The following SYAP1 variants were observed in gnomAD, a reference collection of about 807,000 sequenced individuals.
The protein encoded by SYAP1 is synapse-associated protein 1.
SYAP1 carries 3 observed loss-of-function variants against 29.6 expected under a neutral mutation model. That is an observed-to-expected ratio of 0.10 (90% confidence interval 0.05 to 0.26). The LOEUF is 0.26. Among genes scored for constraint, SYAP1 ranks in the 10% least tolerant of loss-of-function variants. The probability of loss-of-function intolerance (pLI) is 1.00; values close to 1 mark genes in which losing one functional copy is unlikely to be tolerated. For missense variants in SYAP1, 217 were observed against 264.1 expected (o/e 0.82, Z 1.24); for synonymous variants, 102 against 102.7 (o/e 0.99, Z 0.04).
intron 3 of SYAP1, 79 bp downstream of exon 3, chrX:16,736,311 C>A: frequency 1.5e-6 from 1 of 649,537 alleles, no homozygotes. Flanking sequence ...CACTGAGGGT[C>A]TGAGAACACA....
In SYAP1 at chrX:16,750,491, G is replaced by C. The variant is rs1000324605; in HGVS notation, c.576-4454G>C. ...ACTTGTCTTATTCCCCCAGCACCCAGCATAGCGCCTGATGCACATGGCACC... is the reference window on the plus strand; with the variant it reads ...ACTTGTCTTATTCCCCCAGCACCCACCATAGCGCCTGATGCACATGGCACC... On this transcript the variant is annotated intron_variant, in intron 5 of 8. Transcript: ENST00000380155. Among the ~76,000 whole-genome samples the C allele has an allele frequency of 2.7e-5, 3 of 111,560 alleles. No individual in the cohort carries two copies. The Admixed American group carries it at 2.9e-4, about 11-fold the overall frequency.
At chrX:16,748,897 C>T (rs1926666658) in intron 5 of SYAP1, among the ~76,000 whole-genome samples, 1 of 109,270 alleles carries the variant, frequency 9.2e-6, no homozygotes, top group Non-Finnish European at 1.9e-5. Context: ...GCTGGGACTA[C>T]AGGCGCACGC....
At chrX:16,729,550 A>G (rs1156396445) in intron 1 of SYAP1, among the ~76,000 whole-genome samples, 2 of 104,626 alleles carry the variant, frequency 1.9e-5, no homozygotes, top group African/African-American at 7.1e-5. Flanking sequence ...CAGTGATGTG[A>G]TCTCGGCTCA....
intron 5 of SYAP1, among the ~76,000 whole-genome samples, chrX:16,750,592 T>C (rs1425921926): frequency 9.0e-6 from 1 of 110,680 alleles, no homozygotes; most frequent in Non-Finnish European, 1.9e-5. Flanking sequence ...TCTTGTTACC[T>C]GTCCTCGCTT....
rs1311023604 is a variant in SYAP1, at chrX:16,755,048, AAGG to A, written c.685_687del (p.Glu229del). The A allele has an allele frequency of 2.5e-6, 3 of 1,209,914 alleles. No homozygotes were observed. The highest frequency in any genetic ancestry group is 1.8e-5 in the South Asian group (1 of 56,849). On this transcript the variant is annotated inframe_deletion, in exon 6 of 9. Coordinates refer to ENST00000380155, the MANE Select transcript of SYAP1 (RefSeq NM_032796.4). ...GGCTGCCCAACAGCAGGCCGCAGGGAAGGAGGAGAAGAGCAATGGCAGAGAGCA... is the reference window on the plus strand; with the variant it reads ...GGCTGCCCAACAGCAGGCCGCAGGGAAGGAGAAGAGCAATGGCAGAGAGCA...
chrX:16,756,378 A>C (rs1344881018), intron 6 of SYAP1, among the ~76,000 whole-genome samples: 2 of 111,683 alleles, frequency 1.8e-5, no homozygotes, highest in African/African-American at 6.5e-5. Context: ...GGATCACTTG[A>C]GCCCAGAAGT....
chrX:16,752,018 C>T (rs1602334745), intron 5 of SYAP1, among the ~76,000 whole-genome samples: 1 of 81,643 alleles, frequency 1.2e-5, no homozygotes, highest in East Asian at 4.3e-4. Context: ...GTCTTACTCT[C>T]GTCCAGGCTG....
intron 5 of SYAP1, among the ~76,000 whole-genome samples, chrX:16,750,071 T>G (rs898840262): frequency 2.7e-4 from 30 of 111,533 alleles, no homozygotes; most frequent in African/African-American, 9.4e-4. Flanking sequence ...AATGTCTTAG[T>G]CCCTATAATC....
chrX:16,742,935 T>C (rs1926504464), intron 4 of SYAP1, among the ~76,000 whole-genome samples: 1 of 104,801 alleles, frequency 9.5e-6, no homozygotes, highest in Admixed American at 1.0e-4. Context: ...TTTTTTTTTT[T>C]TTTTTTTTTG....
chrX:16,736,862 G>A (rs1255762399), intron 3 of SYAP1, among the ~76,000 whole-genome samples: 6 of 111,888 alleles, frequency 5.4e-5, no homozygotes, highest in East Asian at 2.8e-4. Context: ...GCACATGACC[G>A]GCATTTAGCA....
rs57231597 is a variant in SYAP1 at position 16,740,342 on chromosome X, C to CT, written c.362-1357dup. ...TTTACTGCCTCCAACTTGTGCATTT[C>CT]TTTTTTTTTTTTTTTTTAGCTCCTG... On this transcript the variant is annotated intron_variant, in intron 3 of 8. Transcript: ENST00000380155. Among the ~76,000 whole-genome samples the CT allele has an allele frequency of 8.6e-3, 774 of 90,423 alleles. 5 individuals are homozygous for CT. The highest frequency in any genetic ancestry group is 0.012 in the Non-Finnish European group (533 of 45,961). 78.5% of individuals were successfully genotyped at this position (90,423 alleles called of 115,157 possible).
At chrX:16,739,280 C>G (rs1253813788) in intron 3 of SYAP1, among the ~76,000 whole-genome samples, 3 of 110,676 alleles carry the variant, frequency 2.7e-5, no homozygotes, top group African/African-American at 9.9e-5. Flanking sequence ...GCTCATCTGC[C>G]TATCCATCCC....
chrX:16,745,405 A>G (rs1926576071), intron 5 of SYAP1, among the ~76,000 whole-genome samples: 2 of 111,959 alleles, frequency 1.8e-5, no homozygotes, highest in African/African-American at 6.5e-5. Context: ...CCCTTGCTGC[A>G]GACAACTCAG....
At chrX:16,735,619 T>G (rs113975363) in intron 2 of SYAP1, among the ~76,000 whole-genome samples, 7,776 of 110,362 alleles carry the variant, frequency 0.07, 762 homozygotes, top group African/African-American at 0.25. Context: ...ATGTTGGTTG[T>G]TTGTTTGTTT....
intron 5 of SYAP1, among the ~76,000 whole-genome samples, chrX:16,747,246 C>A (rs1926629688): frequency 8.9e-6 from 1 of 111,807 alleles, no homozygotes; most frequent in Non-Finnish European, 1.9e-5. Flanking sequence ...ACCCACGCTC[C>A]TGGTAGAATT....
chrX:16,749,556 A>G (rs1159727079), intron 5 of SYAP1, among the ~76,000 whole-genome samples: 1 of 111,646 alleles, frequency 9.0e-6, no homozygotes, highest in Non-Finnish European at 1.9e-5. Context: ...AACAGTGCCC[A>G]TGATCTACCA....
intron 1 of SYAP1, among the ~76,000 whole-genome samples, 186 bp from the exon 2 acceptor site, chrX:16,735,041 A>T: frequency 9.3e-6 from 1 of 106,962 alleles, no homozygotes; most frequent in Middle Eastern, 4.7e-3. Flanking sequence ...GAGATGAATG[A>T]AAGGCCCAGT....
rs145054012 is a variant in SYAP1 at position 16,735,615 on chromosome X, G to T, written c.294+270G>T. 3.5e-3 allele frequency among the ~76,000 whole-genome samples: 393 copies of T among 111,158 alleles called. 4 individuals are homozygous for T. The East Asian group carries it at 0.041, about 12-fold the overall frequency. ...GGGTTATACTAAACTTTTCATGTTG[G>T]TTGTTTGTTTGTTTGTTTGTTTGTT... On this transcript the variant is annotated intron_variant, in intron 2 of 8. Coordinates refer to ENST00000380155, the MANE Select transcript of SYAP1 (RefSeq NM_032796.4).
At chrX:16,724,870 G>T (rs1926051296) in intron 1 of SYAP1, among the ~76,000 whole-genome samples, 1 of 112,243 alleles carries the variant, frequency 8.9e-6, no homozygotes, top group African/African-American at 3.2e-5. Context: ...CAGAGATCCT[G>T]ACAGAGGTAG....
Sources: allele counts gnomAD v4.1 joint callset (sites outside exome capture counted in the v4.1 genomes callset), GRCh38; gene constraint gnomAD v4.1.1; transcripts MANE v1.5; gene names NCBI Gene and HGNC (gene_info 2026-07-23, HGNC 2026-07-21).